Variants in RPH3A observed in about 807,000 individuals in gnomAD.
RPH3A encodes the protein rabphilin 3A, also known as rabphilin-3A.
RPH3A carries 48 observed loss-of-function variants against 102.2 expected under a neutral mutation model. The ratio of observed to expected loss-of-function variants is 0.47; its 90% confidence interval spans 0.37 to 0.60. RPH3A has a LOEUF of 0.60. Ranked by LOEUF, RPH3A falls within the 20% of genes least tolerant of loss-of-function variation. The pLI, the probability that RPH3A is intolerant of heterozygous loss-of-function variation, is 0.00. For synonymous variants in RPH3A, 310 were observed against 324.3 expected (o/e 0.96, Z 0.47); for missense variants, 781 against 910.1 (o/e 0.86, Z 1.83).
rs562616086 is a variant in RPH3A, at chr12:112,720,699, T to G, written c.-139-71444T>G. ...ACAAGGCATGTTCTTTTCTTGGTAC[T>G]GGCAAAATTTAAAGAAGGCAAGCCC... On this transcript the variant is annotated intron_variant, in intron 1 of 21. Transcript: ENST00000543106. 9.8e-5 allele frequency among the ~76,000 whole-genome samples: 15 copies of G among 152,352 alleles called. 1 individual carries two copies. The highest frequency in any genetic ancestry group is 8.5e-4 in the Admixed American group (13 of 15,304).
intron 1 of RPH3A, among the ~76,000 whole-genome samples, chr12:112,632,460 C>A (rs78691875): frequency 0.012 from 1,773 of 152,268 alleles, 18 homozygotes; most frequent in Non-Finnish European, 0.017. Context: ...CTTTCTGATA[C>A]CAAGCAGTTC....
At chr12:112,835,761 CTT>C (rs1476189072) in intron 3 of RPH3A, among the ~76,000 whole-genome samples, 2 of 152,148 alleles carry the variant, frequency 1.3e-5, no homozygotes, top group African/African-American at 4.8e-5. Context: ...TTTCAAATGT[CTT>C]TCTCTCTCAC....
chr12:112,855,972 T>C (rs918371879), intron 5 of RPH3A, among the ~76,000 whole-genome samples: 4 of 151,956 alleles, frequency 2.6e-5, no homozygotes, highest in African/African-American at 9.7e-5. Flanking sequence ...CAACATGACA[T>C]TGTACCCACT....
At chr12:112,757,152 A>G (rs1189545435) in intron 1 of RPH3A, among the ~76,000 whole-genome samples, 1 of 152,256 alleles carries the variant, frequency 6.6e-6, no homozygotes. Flanking sequence ...ATGAATTTAA[A>G]TAGAGGACAC....
At chr12:112,632,360 A>G (rs951573825) in intron 1 of RPH3A, among the ~76,000 whole-genome samples, 2 of 152,046 alleles carry the variant, frequency 1.3e-5, no homozygotes, top group Admixed American at 1.3e-4. Context: ...GTGCTCCTCC[A>G]TCTTTCTGAG....
chr12:112,873,037 T>G (rs1335699999), intron 10 of RPH3A, among the ~76,000 whole-genome samples: 1 of 152,222 alleles, frequency 6.6e-6, no homozygotes, highest in African/African-American at 2.4e-5. Flanking sequence ...TTTCCAAATA[T>G]TTGGAGCATC....
intron 1 of RPH3A, chr12:112,617,975 G>A (rs1417184650): frequency 6.6e-6 from 1 of 152,226 alleles, no homozygotes; most frequent in Non-Finnish European, 1.5e-5. Flanking sequence ...CTTCCTTGAT[G>A]TCAGTTCTAC....
chr12:112,807,000 C>T (rs548917027), intron 2 of RPH3A, among the ~76,000 whole-genome samples: 1 of 151,920 alleles, frequency 6.6e-6, no homozygotes, highest in South Asian at 2.1e-4. Context: ...GCAGTGGGAG[C>T]AATATGTACA....
intron 1 of RPH3A, among the ~76,000 whole-genome samples, chr12:112,596,542 G>T (rs556545688): frequency 1.3e-5 from 2 of 152,192 alleles, no homozygotes; most frequent in Admixed American, 6.5e-5. Flanking sequence ...GACTGGATGT[G>T]TGTGGCTCCA....
rs114812576 is a variant in RPH3A, at chr12:112,616,585, G to A, written c.-140+41266G>A. On this transcript the variant is annotated intron_variant, in intron 1 of 21. Coordinates refer to the RPH3A transcript ENST00000543106. ...GAGAGAAAAAGTTTCCAGGCACCAGGCAGTGGGAGGATTAAAAAATAACAG... is the reference window on the plus strand; with the variant it reads ...GAGAGAAAAAGTTTCCAGGCACCAGACAGTGGGAGGATTAAAAAATAACAG... 7.7e-3 allele frequency among the ~76,000 whole-genome samples: 1,177 copies of A among 152,284 alleles called. 12 individuals carry two copies. Among genetic ancestry groups the A allele is most frequent in the African/African-American group, 0.027 (1,119 of 41,542 alleles).
At chr12:112,880,551 A>G (rs2042891270) in intron 14 of RPH3A, among the ~76,000 whole-genome samples, 1 of 152,142 alleles carries the variant, frequency 6.6e-6, no homozygotes, top group African/African-American at 2.4e-5. Flanking sequence ...ATCCTCTAAG[A>G]GCCCCATGAA....
At chr12:112,819,909 GA>G (rs2041748592) in intron 2 of RPH3A, among the ~76,000 whole-genome samples, 1 of 152,236 alleles carries the variant, frequency 6.6e-6, no homozygotes, top group South Asian at 2.1e-4. Context: ...CCAAGCCTCT[GA>G]ATGCATCACA....
chr12:112,619,294 G>GTA (rs2039703710), intron 1 of RPH3A, among the ~76,000 whole-genome samples: 1 of 142,406 alleles, frequency 7.0e-6, no homozygotes, highest in South Asian at 2.3e-4. Flanking sequence ...GTGTGTGTGT[G>GTA]TGTGTTTTGA....
chr12:112,676,150 C>T (rs1448387202), intron 1 of RPH3A, among the ~76,000 whole-genome samples: 1 of 152,044 alleles, frequency 6.6e-6, no homozygotes, highest in African/African-American at 2.4e-5. Flanking sequence ...CTACGTGGGC[C>T]TCCCGTTGGC....
intron 1 of RPH3A, among the ~76,000 whole-genome samples, chr12:112,605,881 A>G (rs1401357007): frequency 6.6e-6 from 1 of 152,132 alleles, no homozygotes; most frequent in Non-Finnish European, 1.5e-5. Flanking sequence ...GCTCAGAAAG[A>G]TTTCTTCCTC....
rs538373849 is a variant in RPH3A, at chr12:112,875,243, C to G, written c.883+73C>G. The G allele has an allele frequency of 3.5e-4, 411 of 1,189,390 alleles. 2 individuals are homozygous for G. In the South Asian group the frequency reaches 5.3e-3, roughly 15 times the overall value. The allele number at this position is 1,189,390 out of a possible 1,614,324, so 73.7% of individuals were successfully genotyped here. A position where few individuals can be genotyped will look rare whatever the true frequency, so the allele number is the denominator to read the frequency against. Reference sequence around the variant, plus strand: ...GTGACCCTCATACCTCCCATCCCTGCTTGCAGAGCATGCTGGGCTTTCTGC... The same window carrying G: ...GTGACCCTCATACCTCCCATCCCTGGTTGCAGAGCATGCTGGGCTTTCTGC... On this transcript the variant is annotated intron_variant, in intron 11 of 21. Transcript: ENST00000389385.
chr12:112,810,700 CA>C (rs1160905818), intron 2 of RPH3A, among the ~76,000 whole-genome samples: 1 of 152,162 alleles, frequency 6.6e-6, no homozygotes, highest in Non-Finnish European at 1.5e-5. Flanking sequence ...CTTTTCCTCC[CA>C]AATTGGCTAT....
chr12:112,829,960 A>C (rs375075806), intron 3 of RPH3A, among the ~76,000 whole-genome samples: 1 of 152,242 alleles, frequency 6.6e-6, no homozygotes, highest in South Asian at 2.1e-4. Context: ...CTTGAAGTAC[A>C]TAAGGTTGGA....
intron 1 of RPH3A, among the ~76,000 whole-genome samples, chr12:112,657,289 A>AT (rs906411495): frequency 5.6e-4 from 82 of 147,342 alleles, no homozygotes; most frequent in Non-Finnish European, 9.6e-4. Flanking sequence ...TAATGGCGTT[A>AT]TTTTTTTTTT....
Sources: allele counts gnomAD v4.1 joint callset (sites outside exome capture counted in the v4.1 genomes callset), GRCh38; gene constraint gnomAD v4.1.1; transcripts MANE v1.5; gene names NCBI Gene and HGNC (gene_info 2026-07-23, HGNC 2026-07-21).